Variants in PALLD observed in about 807,000 individuals in gnomAD.
PALLD encodes the protein palladin.
Under a neutral mutation model 123.5 loss-of-function variants are expected in PALLD, and 61 were observed. The ratio of observed to expected loss-of-function variants is 0.49; its 90% confidence interval spans 0.40 to 0.61. The LOEUF (loss-of-function observed/expected upper bound fraction) is 0.61, where lower values mean the gene tolerates loss of function less well. PALLD is among the 20% of genes least tolerant of loss of function. The probability of loss-of-function intolerance (pLI) is 0.00; values close to 1 mark genes in which losing one functional copy is unlikely to be tolerated. For missense variants in PALLD, 1,273 were observed against 1,377.0 expected, an observed-to-expected ratio of 0.92 and a Z score of 1.20; for synonymous variants, 465 against 496.4, an observed-to-expected ratio of 0.94 and a Z score of 0.84.
intron 3 of PALLD, among the ~76,000 whole-genome samples, chr4:168,672,569 C>T (rs957994579): frequency 6.6e-6 from 1 of 152,084 alleles, no homozygotes; most frequent in Non-Finnish European, 1.5e-5. Flanking sequence ...CGCCATTCTC[C>T]TGCCTCAGCC....
chr4:168,499,164 A>G (rs1054388955), intron 1 of PALLD, among the ~76,000 whole-genome samples: 9 of 143,522 alleles, frequency 6.3e-5, no homozygotes, highest in East Asian at 2.0e-4. Flanking sequence ...CTTTTGCCCT[A>G]AAGGACCCTT....
chr4:168,885,536 G>T (rs1753219341), intron 10 of PALLD: 1 of 152,130 alleles, frequency 6.6e-6, no homozygotes, highest in South Asian at 2.1e-4. Context: ...GTAAATAATT[G>T]CCCACTGGAA....
intron 10 of PALLD, among the ~76,000 whole-genome samples, chr4:168,771,333 A>G (rs1419481906): frequency 6.6e-6 from 1 of 152,204 alleles, no homozygotes; most frequent in Non-Finnish European, 1.5e-5. Context: ...TATACCTTAA[A>G]GACAGAATTA....
intron 10 of PALLD, among the ~76,000 whole-genome samples, chr4:168,852,374 A>G (rs1747931629): frequency 6.6e-6 from 1 of 152,178 alleles, no homozygotes; most frequent in African/African-American, 2.4e-5. Context: ...GTAAAAGCTC[A>G]ATCAGTATTT....
chr4:168,922,754 T>C (rs550417126), intron 18 of PALLD, among the ~76,000 whole-genome samples: 2 of 152,358 alleles, frequency 1.3e-5, no homozygotes, highest in Non-Finnish European at 2.9e-5. Context: ...CATGCTACAA[T>C]TGATTTCATT....
chr4:168,657,520 T>G (rs1778699615), intron 2 of PALLD, among the ~76,000 whole-genome samples: 1 of 152,186 alleles, frequency 6.6e-6, no homozygotes, highest in South Asian at 2.1e-4. Context: ...ATATAAGAGT[T>G]AAGAAGAAAT....
intron 9 of PALLD, among the ~76,000 whole-genome samples, chr4:168,710,463 G>A (rs930029469): frequency 2.0e-5 from 3 of 152,104 alleles, no homozygotes; most frequent in Non-Finnish European, 4.4e-5. Context: ...TAAATGATAC[G>A]GACTTGGAGA....
rs529654174 is a variant in PALLD at position 168,540,803 on chromosome 4, G to A, written c.908+28391G>A. ...AATGAAAAGAGTTTTTAGCAGGTGG[G>A]AAGAAAAAAAAAAAAAAGCACTTGC... On this transcript the variant is annotated intron_variant, in intron 2 of 21. Coordinates refer to ENST00000505667, the MANE Select transcript of PALLD (RefSeq NM_001166108.2). 4.2e-5 allele frequency among the ~76,000 whole-genome samples: 6 copies of A among 141,670 alleles called. No homozygotes were observed. The South Asian group carries it at 9.6e-4, about 23-fold the overall frequency. 92.9% of individuals were successfully genotyped at this position (141,670 alleles called of 152,430 possible).
At chr4:168,752,653 A>T (rs1340149875) in intron 10 of PALLD, among the ~76,000 whole-genome samples, 1 of 152,158 alleles carries the variant, frequency 6.6e-6, no homozygotes, top group South Asian at 2.1e-4. Flanking sequence ...CACAGAGAAC[A>T]TTTACACACT....
At chr4:168,542,514 T>C (rs1325674204) in intron 2 of PALLD, among the ~76,000 whole-genome samples, 2 of 151,386 alleles carry the variant, frequency 1.3e-5, no homozygotes, top group South Asian at 2.1e-4. Context: ...TGTTGAGTGC[T>C]CCCACCTAGG....
intron 2 of PALLD, among the ~76,000 whole-genome samples, chr4:168,627,386 T>C (rs1043565341): frequency 3.9e-5 from 6 of 152,154 alleles, no homozygotes; most frequent in African/African-American, 1.4e-4. Flanking sequence ...GGCGTGCACC[T>C]GTAGTCCCAG....
intron 2 of PALLD, among the ~76,000 whole-genome samples, chr4:168,579,373 A>T (rs974768048): frequency 2.0e-5 from 3 of 152,202 alleles, no homozygotes; most frequent in Non-Finnish European, 4.4e-5. Flanking sequence ...CATTATTAAC[A>T]AATGCATCCA....
At chr4:168,715,895 AGCCGAGATAGC>A (rs1399914649) in intron 10 of PALLD, among the ~76,000 whole-genome samples, 1 of 151,426 alleles carries the variant, frequency 6.6e-6, no homozygotes. Context: ...GCCTGCAGTG[AGCCGAGATAGC>A]GCCACTGCCC....
chr4:168,556,398 TTAA>T (rs1372585676), intron 2 of PALLD, among the ~76,000 whole-genome samples: 1 of 152,154 alleles, frequency 6.6e-6, no homozygotes, highest in African/African-American at 2.4e-5. Context: ...CCCGGCCATA[TTAA>T]TACCTTTTAA....
intron 2 of PALLD, among the ~76,000 whole-genome samples, chr4:168,655,115 C>T (rs1320471518): frequency 6.6e-6 from 1 of 152,106 alleles, no homozygotes; most frequent in African/African-American, 2.4e-5. Context: ...TTCCTTCTAC[C>T]TCTAATGTTT....
intron 10 of PALLD, among the ~76,000 whole-genome samples, chr4:168,836,095 G>T (rs1197026048): frequency 6.6e-6 from 1 of 152,198 alleles, no homozygotes; most frequent in African/African-American, 2.4e-5. Context: ...ACCGTAATTG[G>T]TAACATAAGC....
intron 10 of PALLD, among the ~76,000 whole-genome samples, chr4:168,784,113 C>A (rs778085024): frequency 8.5e-5 from 13 of 152,054 alleles, no homozygotes; most frequent in African/African-American, 1.9e-4. Flanking sequence ...GGTCTGAGAG[C>A]TAGGAGCAAG....
At chr4:168,554,205 C>A (rs1326882164) in intron 2 of PALLD, among the ~76,000 whole-genome samples, 1 of 152,128 alleles carries the variant, frequency 6.6e-6, no homozygotes, top group Non-Finnish European at 1.5e-5. Context: ...ACCTGAAAAA[C>A]CATTATTATT....
chr4:168,615,598 A>G (rs1027975849), intron 2 of PALLD, among the ~76,000 whole-genome samples: 6 of 152,140 alleles, frequency 3.9e-5, no homozygotes, highest in African/African-American at 1.4e-4. Context: ...AGATAATCAA[A>G]AGCATGTGTC....
Sources: gnomAD v4.1 joint callset for allele counts (sites outside exome capture counted in the v4.1 genomes callset) on GRCh38, gnomAD v4.1.1 for gene constraint, MANE v1.5 for transcripts, NCBI Gene and HGNC (gene_info 2026-07-23, HGNC 2026-07-21) for gene names.